Variants in RANBP2 observed in about 807,000 individuals in gnomAD.
RANBP2 encodes the protein E3 SUMO-protein ligase RanBP2.
A neutral mutation model predicts 303.6 loss-of-function variants in RANBP2; 57 were observed. That is an observed-to-expected ratio of 0.19 (90% CI 0.15 to 0.23). RANBP2 has a LOEUF of 0.23. RANBP2 is among the 10% of genes least tolerant of loss of function. RANBP2 has a pLI of 1.00. For synonymous variants in RANBP2, 1,167 were observed against 1,301.5 expected (o/e 0.90, Z 2.23); for missense variants, 3,138 against 3,780.8 (o/e 0.83, Z 4.46).
the RANBP2 span, among the ~76,000 whole-genome samples, chr2:109,189,760 G>C: frequency 6.6e-6 from 1 of 152,196 alleles, no homozygotes; most frequent in South Asian, 2.1e-4. Flanking sequence ...ACTGTCTGGA[G>C]CTTCAAGCAG....
chr2:109,183,674 C>T, the RANBP2 span, among the ~76,000 whole-genome samples: 1 of 152,338 alleles, frequency 6.6e-6, no homozygotes, highest in African/African-American at 2.4e-5. Context: ...ATGTACAGTT[C>T]ATCCCTGAAA....
the RANBP2 span, among the ~76,000 whole-genome samples, chr2:108,855,682 C>T: frequency 1.1e-4 from 17 of 152,152 alleles, no homozygotes; most frequent in Non-Finnish European, 4.4e-5. Context: ...GATCCAGAGG[C>T]ACAGATCTTA....
At chr2:109,029,414 A>G in the RANBP2 span, among the ~76,000 whole-genome samples, 25 of 152,314 alleles carry the variant, frequency 1.6e-4, no homozygotes, top group South Asian at 2.1e-4. Context: ...AGGCATGGGA[A>G]TCTGGAGGTG....
chr2:108,907,728 G>A, the RANBP2 span: 1 of 1,018,396 alleles, frequency 9.8e-7, no homozygotes, highest in Admixed American at 1.8e-5. Context: ...TCACTGTCCA[G>A]GTCTCCTATC....
the RANBP2 span, among the ~76,000 whole-genome samples, chr2:109,006,440 C>T: frequency 9.9e-5 from 15 of 152,126 alleles, no homozygotes; most frequent in African/African-American, 3.4e-4. Context: ...ATGATCCGCC[C>T]GCCTCGGCCT....
the RANBP2 span, among the ~76,000 whole-genome samples, chr2:108,797,354 G>A: frequency 0.084 from 12,755 of 152,154 alleles, 710 homozygotes; most frequent in African/African-American, 0.15. Flanking sequence ...GGAAAGAGAC[G>A]GCAGTATAAA....
chr2:109,298,769 CT>C, the RANBP2 span, among the ~76,000 whole-genome samples: 5 of 152,328 alleles, frequency 3.3e-5, 1 homozygote, highest in Middle Eastern at 0.017. Context: ...TCTTCCACCC[CT>C]GGTCTGGTCC....
chr2:109,737,186 G>A, the RANBP2 span: 9 of 780,808 alleles, frequency 1.2e-5, no homozygotes, highest in African/African-American at 7.0e-5. Context: ...TGGAAGGAAC[G>A]TAATTTGTAA....
At chr2:109,325,728 C>G in the RANBP2 span, among the ~76,000 whole-genome samples, 2 of 152,200 alleles carry the variant, frequency 1.3e-5, no homozygotes, top group Non-Finnish European at 2.9e-5. Context: ...CTACATGTTC[C>G]TTGGAATGTC....
At chr2:109,013,726 C>T in the RANBP2 span, among the ~76,000 whole-genome samples, 4 of 151,752 alleles carry the variant, frequency 2.6e-5, no homozygotes, top group Admixed American at 6.6e-5. Context: ...ATTATAGGCA[C>T]GCGCCACCAC....
chr2:109,629,333 ATATATATATATATATATATATATT>A, the RANBP2 span, among the ~76,000 whole-genome samples: 447 of 10,576 alleles, frequency 0.042, 23 homozygotes, highest in African/African-American at 0.097. Context: ...ATATATATAT[ATATATATATATATATATATATATT>A]TTTTTTTTTT....
chr2:109,462,518 T>C, the RANBP2 span, among the ~76,000 whole-genome samples: 8 of 152,280 alleles, frequency 5.3e-5, no homozygotes, highest in East Asian at 1.2e-3. Flanking sequence ...GAGAGTTGAA[T>C]AGGGATGTGG....
chr2:108,979,809 G>C, the RANBP2 span, among the ~76,000 whole-genome samples: 1 of 152,112 alleles, frequency 6.6e-6, no homozygotes, highest in Non-Finnish European at 1.5e-5. Flanking sequence ...CTTCACTTTG[G>C]CCATCTGACA....
chr2:109,144,042 G>A, the RANBP2 span, among the ~76,000 whole-genome samples: 2 of 152,266 alleles, frequency 1.3e-5, no homozygotes, highest in South Asian at 2.1e-4. Context: ...GTTACGAGGC[G>A]CCGGAAGTGT....
chr2:109,222,007 A>C, the RANBP2 span, among the ~76,000 whole-genome samples: 1 of 152,096 alleles, frequency 6.6e-6, no homozygotes, highest in Admixed American at 6.5e-5. Flanking sequence ...AGGGGATACT[A>C]TTCAGCCTTT....
chr2:109,288,900 G>A, the RANBP2 span, among the ~76,000 whole-genome samples: 2 of 152,196 alleles, frequency 1.3e-5, no homozygotes, highest in Non-Finnish European at 2.9e-5. Context: ...ACCAGTGTCT[G>A]CAGAGCATAA....
chr2:109,147,260 G>A, the RANBP2 span, among the ~76,000 whole-genome samples: 2 of 152,168 alleles, frequency 1.3e-5, no homozygotes, highest in African/African-American at 2.4e-5. Flanking sequence ...CTCGAAAGAT[G>A]TAAATATGGG....
the RANBP2 span, among the ~76,000 whole-genome samples, chr2:109,538,673 C>G: frequency 6.6e-6 from 1 of 152,200 alleles, no homozygotes; most frequent in African/African-American, 2.4e-5. Flanking sequence ...CATGCACCAA[C>G]ACACCTGGTT....
the RANBP2 span, among the ~76,000 whole-genome samples, chr2:108,973,263 C>T: frequency 1.3e-5 from 2 of 152,230 alleles, no homozygotes; most frequent in Non-Finnish European, 2.9e-5. Context: ...TCTGGGATTA[C>T]AGGCATGAGC....
Sources: gnomAD v4.1 joint callset for allele counts (sites outside exome capture counted in the v4.1 genomes callset) on GRCh38, gnomAD v4.1.1 for gene constraint, MANE v1.5 for transcripts, NCBI Gene and HGNC (gene_info 2026-07-23, HGNC 2026-07-21) for gene names.